Variants in IL36B observed in about 807,000 individuals in gnomAD.
IL36B encodes interleukin-36 beta.
IL36B carries 23 observed loss-of-function variants against 19.3 expected under a neutral mutation model. The observed-to-expected ratio is 1.19, with a 90% confidence interval of 0.86 to 1.69. IL36B has a LOEUF of 1.69. Among genes scored for constraint, IL36B ranks in the 40% most tolerant of loss-of-function variants. The pLI is 0.00. For synonymous variants in IL36B, 59 were observed against 59.7 expected, an observed-to-expected ratio of 0.99 and a Z score of 0.05; for missense variants, 217 against 200.5, an observed-to-expected ratio of 1.08 and a Z score of -0.50.
chr2:113,042,729 A>G (rs1685281787), intron 1 of IL36B, among the ~76,000 whole-genome samples: 1 of 152,244 alleles, frequency 6.6e-6, no homozygotes, highest in Admixed American at 6.5e-5. Context: ...TTTGGCTATT[A>G]CAAATAGAGC....
intron 5 of IL36B, among the ~76,000 whole-genome samples, chr2:113,025,852 T>C (rs1684948446): frequency 6.6e-6 from 1 of 152,116 alleles, no homozygotes; most frequent in Non-Finnish European, 1.5e-5. Context: ...GCTAGGTTTA[T>C]ACCAGAAAGC....
intron 1 of IL36B, among the ~76,000 whole-genome samples, chr2:113,039,709 A>C (rs981534550): frequency 6.6e-6 from 1 of 152,260 alleles, no homozygotes; most frequent in Non-Finnish European, 1.5e-5. Context: ...ATAAATCCAC[A>C]TATTTCAGAA....
chr2:113,043,300 C>T (rs1249124840), intron 1 of IL36B, among the ~76,000 whole-genome samples: 2 of 152,006 alleles, frequency 1.3e-5, no homozygotes, highest in Non-Finnish European at 2.9e-5. Flanking sequence ...TCAAATTTAG[C>T]AATTTAAAAA....
intron 5 of IL36B, among the ~76,000 whole-genome samples, chr2:113,025,317 C>A (rs541886450): frequency 6.6e-6 from 1 of 152,230 alleles, no homozygotes; most frequent in Non-Finnish European, 1.5e-5. Flanking sequence ...TTCCTTGGAC[C>A]CTTCTTGAAG....
chr2:113,044,260 ATGTGTGTGTGTGTGTGTGTGTGTGTGTG>A (rs56838257), intron 1 of IL36B, among the ~76,000 whole-genome samples: 2 of 142,450 alleles, frequency 1.4e-5, no homozygotes, highest in African/African-American at 2.6e-5. Flanking sequence ...CTATATCTAT[ATGTGTGTGTGTGTGTGTGTGTGTGTGTG>A]TGTGTGTGTG....
chr2:113,048,000 C>T (rs987896504), intron 1 of IL36B, among the ~76,000 whole-genome samples: 1 of 151,894 alleles, frequency 6.6e-6, no homozygotes, highest in Non-Finnish European at 1.5e-5. Context: ...GATATTAATC[C>T]AACCATATTA....
intron 1 of IL36B, among the ~76,000 whole-genome samples, chr2:113,036,504 G>A (rs189901449): frequency 2.0e-5 from 3 of 152,114 alleles, no homozygotes; most frequent in African/African-American, 7.2e-5. Flanking sequence ...ATGCAGCTGA[G>A]GGCATCCAAC....
chr2:113,028,392 T>G (rs1436069459), intron 4 of IL36B, among the ~76,000 whole-genome samples: 1 of 152,234 alleles, frequency 6.6e-6, no homozygotes, highest in African/African-American at 2.4e-5. Context: ...GAAATCTCTT[T>G]CTTGGTGCTT....
chr2:113,049,953 C>T (rs1385256772), intron 1 of IL36B, among the ~76,000 whole-genome samples: 1 of 148,386 alleles, frequency 6.7e-6, no homozygotes, highest in Non-Finnish European at 1.5e-5. Flanking sequence ...GAAACTCCGT[C>T]TAAAAAAAAA....
At chr2:113,044,296 GT>G (rs1685310985) in intron 1 of IL36B, among the ~76,000 whole-genome samples, 1 of 125,276 alleles carries the variant, frequency 8.0e-6, no homozygotes, top group African/African-American at 4.0e-5. Context: ...GTGTGTGTGT[GT>G]GTGTGTGTGT....
intron 1 of IL36B, among the ~76,000 whole-genome samples, chr2:113,034,864 T>A (rs1050224758): frequency 2.0e-5 from 3 of 152,150 alleles, no homozygotes; most frequent in African/African-American, 7.2e-5. Context: ...CTGGCACACC[T>A]AGAGACCCAC....
At chr2:113,031,886 T>C (rs1444130502) in intron 1 of IL36B, 120 bp from the exon 2 acceptor site, 4 of 585,026 alleles carry the variant, frequency 6.8e-6, no homozygotes, top group African/African-American at 1.9e-5. Context: ...GAGCCTCTCC[T>C]AGATGCATAT....
chr2:113,036,351 T>G (rs1217069597), intron 1 of IL36B, among the ~76,000 whole-genome samples: 1 of 149,620 alleles, frequency 6.7e-6, no homozygotes, highest in African/African-American at 2.5e-5. Context: ...TGAAAACACC[T>G]TGCTTTTTTT....
intron 5 of IL36B, among the ~76,000 whole-genome samples, chr2:113,025,382 T>C (rs1316735444): frequency 6.6e-6 from 1 of 152,178 alleles, no homozygotes; most frequent in Non-Finnish European, 1.5e-5. Context: ...TTGGTATTAA[T>C]GGGAAGATGC....
intron 1 of IL36B, among the ~76,000 whole-genome samples, chr2:113,037,536 C>A (rs1481402517): frequency 6.6e-6 from 1 of 152,088 alleles, no homozygotes; most frequent in East Asian, 1.9e-4. Context: ...GTAGTCCCAG[C>A]TACTCGGGAG....
chr2:113,049,000 A>C (rs1005312503), intron 1 of IL36B, among the ~76,000 whole-genome samples: 1 of 152,214 alleles, frequency 6.6e-6, no homozygotes, highest in Non-Finnish European at 1.5e-5. Context: ...CTTAATGATG[A>C]TGAAGAGGAA....
intron 1 of IL36B, among the ~76,000 whole-genome samples, chr2:113,037,095 G>T (rs1685178792): frequency 6.6e-6 from 1 of 152,216 alleles, no homozygotes; most frequent in African/African-American, 2.4e-5. Flanking sequence ...CCAGGTGGCC[G>T]CTCCCTCTGT....
At chr2:113,026,071 C>T (rs781323251) in intron 5 of IL36B, 11 of 1,608,984 alleles carry the variant, frequency 6.8e-6, no homozygotes, top group African/African-American at 1.3e-5. Flanking sequence ...AATTGTCCAC[C>T]TGTGGGATGG....
At chr2:113,045,599 C>G (rs955000780) in intron 1 of IL36B, among the ~76,000 whole-genome samples, 1 of 152,094 alleles carries the variant, frequency 6.6e-6, no homozygotes, top group African/African-American at 2.4e-5. Flanking sequence ...ATATATTAGG[C>G]CCCTTGAATT....
Sources: allele counts gnomAD v4.1 joint callset (sites outside exome capture counted in the v4.1 genomes callset), GRCh38; gene constraint gnomAD v4.1.1; transcripts MANE v1.5; gene names NCBI Gene and HGNC (gene_info 2026-07-23, HGNC 2026-07-21).